The following YIPF4 variants were observed in gnomAD, a reference collection of about 807,000 sequenced individuals.
The protein encoded by YIPF4 is protein YIPF4.
YIPF4 carries 18 observed loss-of-function variants against 29.4 expected under a neutral mutation model. That is an observed-to-expected ratio of 0.61 (90% CI 0.42 to 0.91). The LOEUF (loss-of-function observed/expected upper bound fraction) is 0.91, where lower values mean the gene tolerates loss of function less well. Ranked by LOEUF, YIPF4 falls within the 40% of genes least tolerant of loss-of-function variation. The probability of loss-of-function intolerance (pLI) is 0.00; values close to 1 mark genes in which losing one functional copy is unlikely to be tolerated. For missense variants in YIPF4, 279 were observed against 282.7 expected (o/e 0.99, Z 0.09); for synonymous variants, 115 against 104.7 (o/e 1.10, Z -0.60).
chr2:32,300,239 C>T (rs773745350), intron 4 of YIPF4, among the ~76,000 whole-genome samples: 3 of 148,700 alleles, frequency 2.0e-5, no homozygotes, highest in Non-Finnish European at 3.0e-5. Flanking sequence ...GCACTTTAGC[C>T]TGGGCAACAA....
rs367955019 is a variant in YIPF4 at position 32,303,027 on chromosome 2, A to G, written c.597+1532A>G. ...TTCTTACCCTCAATTTGTTCTTAAC[A>G]ATGGTAAACTTAACTATATTTTAGG... On this transcript the variant is annotated intron_variant, in intron 5 of 5. Coordinates refer to ENST00000238831, the MANE Select transcript of YIPF4 (RefSeq NM_032312.4). 2.0e-4 allele frequency among the ~76,000 whole-genome samples: 30 copies of G among 152,312 alleles called. No individual in the cohort carries two copies. In the South Asian group the frequency reaches 6.0e-3, roughly 30 times the overall value.
At chr2:32,291,653 G>T (rs1191078004) in intron 2 of YIPF4, among the ~76,000 whole-genome samples, 1 of 152,180 alleles carries the variant, frequency 6.6e-6, no homozygotes, top group African/African-American at 2.4e-5. Flanking sequence ...ACGGCATAAA[G>T]CTGGGACATC....
At chr2:32,284,570 A>G (rs980075399) in intron 1 of YIPF4, among the ~76,000 whole-genome samples, 1 of 152,058 alleles carries the variant, frequency 6.6e-6, no homozygotes, top group Non-Finnish European at 1.5e-5. Context: ...CCCCTTTGCA[A>G]TCTGCCGTGA....
At position 32,280,332 on chromosome 2, in the gene YIPF4, G is replaced by A. The variant is rs1383714186; in HGVS notation, c.79+2098G>A. 2.0e-5 allele frequency among the ~76,000 whole-genome samples: 3 copies of A among 150,568 alleles called. No homozygotes were observed. In the Admixed American group the frequency reaches 2.0e-4, roughly 10 times the overall value. Reference sequence around the variant, plus strand: ...TTTTTAGTAGAGACGGGGTTTCACTGTGTTAGCCAGGATGGTCTTGATCTC... The same window carrying A: ...TTTTTAGTAGAGACGGGGTTTCACTATGTTAGCCAGGATGGTCTTGATCTC... On this transcript the variant is annotated intron_variant, in intron 1 of 5. Coordinates refer to ENST00000238831, the MANE Select transcript of YIPF4 (RefSeq NM_032312.4).
Position 32,314,885 on chromosome 2 carries a change from C to T in YIPF4, c.*9259C>T, listed in dbSNP as rs946423564. ...ATACATGGGAAGGTGATGAAGGTAG[C>T]ATGTCAAATTGGTATAAAAAGATGG... On this transcript the variant is annotated 3_prime_UTR_variant, in exon 6 of 6. Transcript: ENST00000238831. 3.9e-5 allele frequency: 6 copies of T among 151,984 alleles called. No homozygotes were observed. Among genetic ancestry groups the T allele is most frequent in the African/African-American group, 1.4e-4 (6 of 41,388 alleles). The allele number at this position is 151,984 out of a possible 1,614,324, so 9.4% of individuals were successfully genotyped here.
At chr2:32,305,268 A>G (rs1164015646) in intron 5 of YIPF4, among the ~76,000 whole-genome samples, 1 of 152,196 alleles carries the variant, frequency 6.6e-6, no homozygotes, top group Non-Finnish European at 1.5e-5. Context: ...GATTCTTATG[A>G]TTAGACTGGT....
At chr2:32,284,250 T>C (rs2030559000) in intron 1 of YIPF4, among the ~76,000 whole-genome samples, 1 of 152,198 alleles carries the variant, frequency 6.6e-6, no homozygotes, top group Non-Finnish European at 1.5e-5. Context: ...TTATATATAG[T>C]GATAAATATC....
At position 32,305,653 on chromosome 2, in the gene YIPF4, A is replaced by T; in HGVS notation, c.*27A>T. The T allele has an allele frequency of 6.6e-7, 1 of 1,511,372 alleles. No homozygotes were observed. The highest frequency in any genetic ancestry group is 8.8e-7 in the Non-Finnish European group (1 of 1,131,808). The allele number at this position is 1,511,372 out of a possible 1,614,324, so 93.6% of individuals were successfully genotyped here. ...CCAAGTTATACATGAATAGAAAAAG[A>T]TGGTGTTAAATTTGTGTGTAGGCTG... On this transcript the variant is annotated 3_prime_UTR_variant, in exon 6 of 6. Transcript: ENST00000238831.
rs762959019 is a variant in YIPF4, at chr2:32,292,335, A to G, written c.392A>G (p.Tyr131Cys). Residue 131 changes from tyrosine to cysteine, a missense_variant, in exon 3 of 6, where the codon TAT becomes TGT. By Grantham distance (194) the Tyr-to-Cys change is radical (BLOSUM62 -2). Transcript: ENST00000238831. ...CTTTTCTTTTCCATGATATCATTAT[A>G]TGGACAGTTTAGGGTAAGTATATCT... ...VVLFFSMISL[Y>C]GQFRVVSWII... 6 of 1,588,382 alleles carry G rather than the reference A, an allele frequency of 3.8e-6. No individual in the cohort carries two copies. In the African/African-American group the frequency reaches 8.1e-5, roughly 21 times the overall value.
chr2:32,302,482 A>T (rs1036336002), intron 5 of YIPF4, among the ~76,000 whole-genome samples: 3 of 152,160 alleles, frequency 2.0e-5, no homozygotes, highest in Non-Finnish European at 4.4e-5. Context: ...CTTTCCTATC[A>T]AATATGATAG....
At chr2:32,291,245 C>T (rs528513524) in intron 2 of YIPF4, among the ~76,000 whole-genome samples, 1 of 152,116 alleles carries the variant, frequency 6.6e-6, no homozygotes, top group Admixed American at 6.5e-5. Flanking sequence ...GTTAATACAC[C>T]ATATATCGGC....
chr2:32,295,606 T>C (rs1424355323), intron 3 of YIPF4, among the ~76,000 whole-genome samples: 1 of 152,136 alleles, frequency 6.6e-6, no homozygotes, highest in African/African-American at 2.4e-5. Context: ...CTCCTTCAGT[T>C]TCCATCTTTT....
chr2:32,289,099 A>C (rs2148960467), intron 1 of YIPF4, among the ~76,000 whole-genome samples: 1 of 152,368 alleles, frequency 6.6e-6, no homozygotes, highest in African/African-American at 2.4e-5. Context: ...TTATATGATA[A>C]CATGTACAGG....
At position 32,314,621 on chromosome 2, in the gene YIPF4, TGA is replaced by T. The variant is rs1436521733; in HGVS notation, c.*8998_*8999del. On this transcript the variant is annotated 3_prime_UTR_variant, in exon 6 of 6. Transcript: ENST00000238831. ...CTGGGAGGTGGAGAGTGTGGTGAGC[TGA>T]GATGTCACCATTGCACTCCAGCCTG... The T allele has an allele frequency of 6.6e-6, 1 of 151,932 alleles. No individual in the cohort carries two copies. The highest frequency in any genetic ancestry group is 1.5e-5 in the Non-Finnish European group (1 of 68,028). The allele number at this position is 151,932 out of a possible 1,614,324, so 9.4% of individuals were successfully genotyped here.
chr2:32,303,879 C>G (rs1180930095), intron 5 of YIPF4, among the ~76,000 whole-genome samples: 1 of 152,202 alleles, frequency 6.6e-6, no homozygotes, highest in Non-Finnish European at 1.5e-5. Flanking sequence ...GAACATACCA[C>G]TCACTTACCA....
rs922180269 is a variant in YIPF4, at chr2:32,306,111, A to G, written c.*485A>G. On this transcript the variant is annotated 3_prime_UTR_variant, in exon 6 of 6. Transcript: ENST00000238831. ...CTCACAAAATATATTTCTGATAAAC[A>G]TTAAGATATTAAATCTGATGCACAA... The G allele has an allele frequency of 1.3e-6, 1 of 775,762 alleles. No homozygotes were observed. The highest frequency in any genetic ancestry group is 1.6e-6 in the Non-Finnish European group (1 of 641,148). 48.1% of individuals were successfully genotyped at this position (775,762 alleles called of 1,614,324 possible). A position where few individuals can be genotyped will look rare whatever the true frequency, so the allele number is the denominator to read the frequency against.
rs140787278 is a variant in YIPF4 at position 32,301,390 on chromosome 2, T to C, written c.492T>C (p.Tyr164=). The C allele has an allele frequency of 3.8e-4, 601 of 1,599,912 alleles. 5 individuals are homozygous for C. In the East Asian group the frequency reaches 0.011, roughly 29 times the overall value. The change falls in exon 5 of 6, where the codon TAT becomes TAC. Residue 164 remains tyrosine, a synonymous_variant. Coordinates refer to ENST00000238831, the MANE Select transcript of YIPF4 (RefSeq NM_032312.4). ...LARVLGGEVA[Y]GQVLGVIGYS... ...ATTTTCAAAATTCACAGGTTGCATA[T>C]GGCCAAGTCCTTGGAGTTATAGGAT...
chr2:32,283,963 G>A (rs373642367), intron 1 of YIPF4, among the ~76,000 whole-genome samples: 3 of 151,832 alleles, frequency 2.0e-5, no homozygotes, highest in Admixed American at 6.6e-5. Context: ...CAAGTGATCC[G>A]CCCACCTCTG....
At chr2:32,281,546 T>C (rs957220599) in intron 1 of YIPF4, among the ~76,000 whole-genome samples, 1 of 152,186 alleles carries the variant, frequency 6.6e-6, no homozygotes, top group African/African-American at 2.4e-5. Flanking sequence ...CCAGCCTCAT[T>C]TGTTCTTTAT....
Sources: gnomAD v4.1 joint callset for allele counts (sites outside exome capture counted in the v4.1 genomes callset) on GRCh38, gnomAD v4.1.1 for gene constraint, MANE v1.5 for transcripts, NCBI Gene and HGNC (gene_info 2026-07-23, HGNC 2026-07-21) for gene names.